The following DMD variants were observed in gnomAD, a reference collection of about 807,000 sequenced individuals.
DMD encodes dystrophin.
Under a neutral mutation model 330.1 loss-of-function variants are expected in DMD, and 63 were observed. The observed-to-expected ratio is 0.19, with a 90% CI of 0.16 to 0.24. The LOEUF is 0.24. DMD is among the 10% of genes least tolerant of loss of function. DMD has a pLI of 1.00. For missense variants in DMD, 3,344 were observed against 2,684.1 expected, an observed-to-expected ratio of 1.25 and a Z score of -5.43; for synonymous variants, 1,223 against 959.8, an observed-to-expected ratio of 1.27 and a Z score of -5.07.
rs747348626 is a variant in DMD, at chrX:33,009,347, TACAC to T, written c.93+10788_93+10791del. ...GTATATGTGTATATACACGTGTATATACACATGTGTGTATATGTGTATATGTGTA... is the reference window on the plus strand; with the variant it reads ...GTATATGTGTATATACACGTGTATATATGTGTGTATATGTGTATATGTGTA... On this transcript the variant is annotated intron_variant, in intron 2 of 78. Transcript: ENST00000357033. Among the ~76,000 whole-genome samples, 15 of 37,005 alleles carry T rather than the reference TACAC, an allele frequency of 4.1e-4. 3 individuals carry two copies. Among genetic ancestry groups the T allele is most frequent in the East Asian group, 1.5e-3 (1 of 649 alleles). 32.1% of individuals were successfully genotyped at this position (37,005 alleles called of 115,157 possible).
chrX:33,255,544 A>G (rs5972794), intron 1 of DMD, among the ~76,000 whole-genome samples: 13,541 of 110,060 alleles, frequency 0.12, 1,066 homozygotes, highest in African/African-American at 0.29. Context: ...TTATTTTAAA[A>G]CCATAGATGA....
intron 2 of DMD, among the ~76,000 whole-genome samples, chrX:32,903,094 T>A (rs1364129423): frequency 1.2e-5 from 1 of 86,773 alleles, no homozygotes; most frequent in African/African-American, 4.8e-5. Flanking sequence ...GAGGCGGAGG[T>A]TGCAGCCCAG....
At chrX:32,714,094 C>T (rs1401301326) in intron 7 of DMD, among the ~76,000 whole-genome samples, 1 of 111,732 alleles carries the variant, frequency 8.9e-6, no homozygotes, top group Non-Finnish European at 1.9e-5. Flanking sequence ...ACGCACACTG[C>T]TTTCACACCA....
chrX:31,303,663 A>G (rs2054818281), intron 62 of DMD, among the ~76,000 whole-genome samples: 1 of 111,188 alleles, frequency 9.0e-6, no homozygotes, highest in African/African-American at 3.3e-5. Flanking sequence ...TAACCTTCAA[A>G]CGTTTGTATT....
intron 62 of DMD, among the ~76,000 whole-genome samples, chrX:31,296,464 G>T (rs2054194862): frequency 2.7e-5 from 3 of 111,758 alleles, no homozygotes; most frequent in Admixed American, 9.5e-5. Context: ...TTGTCACAAA[G>T]ATTTTTATGG....
At chrX:32,252,735 T>TATATATAA (rs1569553634) in intron 43 of DMD, among the ~76,000 whole-genome samples, 1 of 27,108 alleles carries the variant, frequency 3.7e-5, no homozygotes, top group African/African-American at 2.0e-4. Context: ...AATATATAAA[T>TATATATAA]ATATATATAA....
At chrX:32,780,043 C>G (rs1000705267) in intron 7 of DMD, among the ~76,000 whole-genome samples, 1 of 111,589 alleles carries the variant, frequency 9.0e-6, no homozygotes, top group Non-Finnish European at 1.9e-5. Context: ...AAATCATGAT[C>G]TGTGTATCCA....
At chrX:32,945,261 G>A (rs7066905) in intron 2 of DMD, among the ~76,000 whole-genome samples, 12,337 of 110,756 alleles carry the variant, frequency 0.11, 1,622 homozygotes, top group African/African-American at 0.38. Context: ...AACTTCTGTG[G>A]AAAATGATAG....
At chrX:31,516,278 C>CAAAA (rs72056571) in intron 55 of DMD, among the ~76,000 whole-genome samples, 37 of 51,821 alleles carry the variant, frequency 7.1e-4, no homozygotes, top group African/African-American at 2.2e-3. Context: ...AAAACAAGCG[C>CAAAA]AAAAAAAAAA....
intron 47 of DMD, among the ~76,000 whole-genome samples, chrX:31,922,525 T>TGTGTGCGCGC (rs773093542): frequency 9.4e-6 from 1 of 106,361 alleles, no homozygotes; most frequent in African/African-American, 3.4e-5. Flanking sequence ...TGTGTGTGTG[T>TGTGTGCGCGC]GCGCGCGCGT....
intron 2 of DMD, among the ~76,000 whole-genome samples, chrX:32,934,289 C>G (rs955535448): frequency 9.0e-6 from 1 of 111,554 alleles, no homozygotes; most frequent in African/African-American, 3.3e-5. Flanking sequence ...GTGAGGCACA[C>G]TGACTTGTGC....
intron 44 of DMD, among the ~76,000 whole-genome samples, chrX:32,023,418 CTAAA>C (rs1315809559): frequency 1.8e-5 from 2 of 111,236 alleles, no homozygotes. Flanking sequence ...AGTGAGACCT[CTAAA>C]TAATAGAAGA....
intron 55 of DMD, among the ~76,000 whole-genome samples, chrX:31,612,589 T>G (rs73455917): frequency 0.011 from 1,282 of 111,640 alleles, 23 homozygotes; most frequent in African/African-American, 0.039. Context: ...AAACTAAGAC[T>G]TTCTTAAGGC....
At chrX:32,934,349 G>A (rs1173443072) in intron 2 of DMD, among the ~76,000 whole-genome samples, 2 of 110,662 alleles carry the variant, frequency 1.8e-5, no homozygotes, top group African/African-American at 3.3e-5. Context: ...GAGGCCAGGA[G>A]TTAGAGATCA....
chrX:32,886,721 G>A (rs1027991801), intron 2 of DMD, among the ~76,000 whole-genome samples: 1 of 111,601 alleles, frequency 9.0e-6, no homozygotes, highest in African/African-American at 3.3e-5. Context: ...ATAATTTCAT[G>A]CGCTGGAAGC....
chrX:33,046,983 G>A (rs969616424), intron 1 of DMD, among the ~76,000 whole-genome samples: 1 of 112,294 alleles, frequency 8.9e-6, no homozygotes, highest in African/African-American at 3.2e-5. Context: ...TATAATTTGA[G>A]TGCTTACTAT....
chrX:31,228,141 G>A (rs1308945114), intron 63 of DMD, among the ~76,000 whole-genome samples: 1 of 107,445 alleles, frequency 9.3e-6, no homozygotes, highest in Admixed American at 9.9e-5. Flanking sequence ...AGCACTGGGT[G>A]ATATACCTAA....
At chrX:32,835,022 T>C (rs1164420018) in intron 4 of DMD, among the ~76,000 whole-genome samples, 1 of 111,324 alleles carries the variant, frequency 9.0e-6, no homozygotes, top group African/African-American at 3.3e-5. Context: ...ATTTGTAATT[T>C]CTAAGTTCCT....
At chrX:32,556,386 C>G (rs1462464003) in intron 16 of DMD, among the ~76,000 whole-genome samples, 1 of 111,142 alleles carries the variant, frequency 9.0e-6, no homozygotes, top group Non-Finnish European at 1.9e-5. Flanking sequence ...TTAGTTCAAC[C>G]CTTGTGGAAG....
Sources: gnomAD v4.1 joint callset for allele counts (sites outside exome capture counted in the v4.1 genomes callset) on GRCh38, gnomAD v4.1.1 for gene constraint, MANE v1.5 for transcripts, NCBI Gene and HGNC (gene_info 2026-07-23, HGNC 2026-07-21) for gene names.